Variants in INPP4B observed in about 807,000 individuals in gnomAD.
INPP4B encodes inositol polyphosphate 4-phosphatase type II.
INPP4B carries 55 observed loss-of-function variants against 122.5 expected under a neutral mutation model. That is an observed-to-expected ratio of 0.45 (90% CI 0.36 to 0.56). INPP4B has a LOEUF of 0.56. Among genes scored for constraint, INPP4B ranks in the 20% least tolerant of loss-of-function variants. The probability of loss-of-function intolerance (pLI) is 0.00; values close to 1 mark genes in which losing one functional copy is unlikely to be tolerated. For synonymous variants in INPP4B, 403 were observed against 388.7 expected, an observed-to-expected ratio of 1.04 and a Z score of -0.43; for missense variants, 1,000 against 1,097.7, an observed-to-expected ratio of 0.91 and a Z score of 1.26.
rs2152545645 is a variant in INPP4B, at chr4:142,086,160, A to T, written c.2471T>A (p.Met824Lys). 3.1e-6 allele frequency: 5 copies of T among 1,591,052 alleles called. No homozygotes were observed. Among genetic ancestry groups the T allele is most frequent in the Non-Finnish European group, 3.5e-6 (4 of 1,159,096 alleles). Reference protein sequence around the residue: ...QSKKRKNVEIMWLAATICRKL... With the variant: ...QSKKRKNVEIKWLAATICRKL... The stretch of plus-strand genomic sequence containing the variant: ...AGTGCTTACCGTTGCAGCCAGCCAC[A>T]TAATTTCTACATTCTTTCTTTTTTT... Residue 824 changes from methionine to lysine, a missense_variant, in exon 24 of 26, where the codon ATG becomes AAG. Met to Lys is a moderately conservative substitution (Grantham distance 95, BLOSUM62 -1). Coordinates refer to ENST00000262992, the MANE Select transcript of INPP4B (RefSeq NM_001101669.3).
At chr4:142,781,290 A>T (rs771356691) in intron 1 of INPP4B, among the ~76,000 whole-genome samples, 1 of 146,296 alleles carries the variant, frequency 6.8e-6, no homozygotes, top group Non-Finnish European at 1.5e-5. Context: ...TCCTGTCCAC[A>T]TGTTTCCTCT....
chr4:142,277,290 A>G (rs544341973), intron 9 of INPP4B, among the ~76,000 whole-genome samples: 2 of 85,290 alleles, frequency 2.3e-5, no homozygotes, highest in South Asian at 3.6e-4. Flanking sequence ...TGGGTTGTCT[A>G]TTTACTCTCC....
At chr4:142,437,275 A>G (rs1287731756) in intron 3 of INPP4B, among the ~76,000 whole-genome samples, 3 of 152,194 alleles carry the variant, frequency 2.0e-5, no homozygotes, top group African/African-American at 7.2e-5. Context: ...TTCAAGAAAT[A>G]TGAGACTAAG....
chr4:142,668,128 C>T (rs901891926), intron 2 of INPP4B, among the ~76,000 whole-genome samples: 3 of 152,044 alleles, frequency 2.0e-5, no homozygotes, highest in African/African-American at 7.2e-5. Context: ...TGCAAAAACC[C>T]TCAGTAAAAT....
chr4:142,518,780 C>G (rs549162412), intron 2 of INPP4B: 2 of 152,328 alleles, frequency 1.3e-5, no homozygotes, highest in East Asian at 3.9e-4. Context: ...TGAGAGCCAG[C>G]GTCAACTGCC....
At chr4:142,688,931 T>G (rs1759755224) in intron 2 of INPP4B, among the ~76,000 whole-genome samples, 1 of 152,176 alleles carries the variant, frequency 6.6e-6, no homozygotes, top group South Asian at 2.1e-4. Context: ...GCTCATCTGG[T>G]CTCACCCAGG....
At chr4:142,171,367 C>A (rs1164703656) in intron 16 of INPP4B, among the ~76,000 whole-genome samples, 2 of 151,754 alleles carry the variant, frequency 1.3e-5, no homozygotes, top group Non-Finnish European at 2.9e-5. Context: ...ACCTATTTTC[C>A]AAACACGCAA....
chr4:142,647,337 A>G (rs1201861150), intron 2 of INPP4B, among the ~76,000 whole-genome samples: 1 of 152,160 alleles, frequency 6.6e-6, no homozygotes, highest in Admixed American at 6.5e-5. Context: ...AATAATTTGG[A>G]AATGAAATTC....
intron 5 of INPP4B, chr4:142,427,279 T>C: frequency 2.9e-6 from 1 of 344,922 alleles, no homozygotes; most frequent in Non-Finnish European, 5.1e-6. Context: ...CATGATGACT[T>C]GAAATAATAT....
intron 25 of INPP4B, among the ~76,000 whole-genome samples, chr4:142,061,084 A>T (rs1458530947): frequency 6.6e-6 from 1 of 152,164 alleles, no homozygotes; most frequent in African/African-American, 2.4e-5. Flanking sequence ...TGACAGGCTG[A>T]CCTAAGGAAG....
chr4:142,694,694 C>CCTTTGTGGTG (rs1223797969), intron 2 of INPP4B, among the ~76,000 whole-genome samples: 2 of 152,154 alleles, frequency 1.3e-5, no homozygotes, highest in African/African-American at 4.8e-5. Context: ...ACATTATCTG[C>CCTTTGTGGTG]AGCTTCGTCC....
intron 2 of INPP4B, among the ~76,000 whole-genome samples, chr4:142,679,843 C>A (rs1758361694): frequency 6.6e-6 from 1 of 151,606 alleles, no homozygotes; most frequent in African/African-American, 2.4e-5. Flanking sequence ...CTCAGTCAGG[C>A]AAGTGGGCAT....
At chr4:142,701,337 G>A (rs377657964) in intron 2 of INPP4B, among the ~76,000 whole-genome samples, 5 of 151,996 alleles carry the variant, frequency 3.3e-5, no homozygotes, top group African/African-American at 4.8e-5. Context: ...TGGAAATGAT[G>A]TATTATAGCC....
chr4:142,670,816 A>G (rs12508480), intron 2 of INPP4B, among the ~76,000 whole-genome samples: 115,810 of 152,050 alleles, frequency 0.76, 45,068 homozygotes, highest in Non-Finnish European at 0.83. Context: ...CACCACCAAA[A>G]TGATTACTAT....
At chr4:142,525,351 C>A (rs1473257616) in intron 2 of INPP4B, among the ~76,000 whole-genome samples, 1 of 146,030 alleles carries the variant, frequency 6.8e-6, no homozygotes, top group Non-Finnish European at 1.5e-5. Flanking sequence ...CCCCATCAAG[C>A]TACCAATGCC....
At chr4:142,141,162 T>A (rs1158862584) in intron 18 of INPP4B, among the ~76,000 whole-genome samples, 1 of 152,150 alleles carries the variant, frequency 6.6e-6, no homozygotes, top group Non-Finnish European at 1.5e-5. Context: ...AAGGATTATA[T>A]CTGGACCAGT....
chr4:142,035,434 A>T (rs1743257018), intron 25 of INPP4B, among the ~76,000 whole-genome samples: 1 of 152,126 alleles, frequency 6.6e-6, no homozygotes, highest in Admixed American at 6.5e-5. Flanking sequence ...ATTTCTCTAG[A>T]ATCTTTTTAA....
At chr4:142,443,304 C>G (rs1164865650) in intron 3 of INPP4B, among the ~76,000 whole-genome samples, 3 of 152,058 alleles carry the variant, frequency 2.0e-5, no homozygotes, top group Non-Finnish European at 4.4e-5. Flanking sequence ...GAGTGGGTGC[C>G]TGGAGAAAGT....
intron 1 of INPP4B, among the ~76,000 whole-genome samples, chr4:142,786,093 C>T (rs982315391): frequency 1.3e-5 from 2 of 151,978 alleles, no homozygotes; most frequent in Admixed American, 6.6e-5. Context: ...TGAAATGACA[C>T]CCCAGCAAAA....
Sources: gnomAD v4.1 joint callset for allele counts (sites outside exome capture counted in the v4.1 genomes callset) on GRCh38, gnomAD v4.1.1 for gene constraint, MANE v1.5 for transcripts, NCBI Gene and HGNC (gene_info 2026-07-23, HGNC 2026-07-21) for gene names.